The following MAML3 variants were observed in gnomAD, a reference collection of about 807,000 sequenced individuals.
MAML3 encodes the protein mastermind-like protein 3.
A neutral mutation model predicts 101.9 loss-of-function variants in MAML3; 27 were observed. That is an observed-to-expected ratio of 0.27 (90% CI 0.20 to 0.37). The LOEUF (loss-of-function observed/expected upper bound fraction) is 0.37. MAML3 is among the 10% of genes least tolerant of loss of function. The pLI is 1.00. For missense variants in MAML3, 1,316 were observed against 1,444.9 expected (o/e 0.91, Z 1.45); for synonymous variants, 501 against 555.9 (o/e 0.90, Z 1.39).
intron 1 of MAML3, among the ~76,000 whole-genome samples, chr4:140,104,660 T>A (rs1045090518): frequency 6.7e-6 from 1 of 150,178 alleles, no homozygotes; most frequent in Admixed American, 6.7e-5. Context: ...GCCCAGTTAA[T>A]TTTTGTGTTT....
intron 2 of MAML3, among the ~76,000 whole-genome samples, chr4:139,772,704 G>T (rs1339128016): frequency 6.6e-6 from 1 of 152,054 alleles, no homozygotes; most frequent in Non-Finnish European, 1.5e-5. Context: ...TCAAGAGGAT[G>T]AACTTCCCAG....
rs11379402 is a variant in MAML3, at chr4:139,909,836, C to CAAAAAAA, written c.469-18876_469-18870dup. ...TGGGCCACAGAGTGCGATGCCGTCTCAAAAAAAAAAAAAAAAAAAAAAGAT... is the reference window on the plus strand; with the variant it reads ...TGGGCCACAGAGTGCGATGCCGTCTCAAAAAAAAAAAAAAAAAAAAAAAAAAAAAGAT... On this transcript the variant is annotated intron_variant, in intron 1 of 4. Coordinates refer to ENST00000509479, the MANE Select transcript of MAML3 (RefSeq NM_018717.5). 2.7e-3 allele frequency among the ~76,000 whole-genome samples: 158 copies of CAAAAAAA among 58,494 alleles called. 1 individual carries two copies. The highest frequency in any genetic ancestry group is 3.1e-3 in the Non-Finnish European group (102 of 32,542). 38.4% of individuals were successfully genotyped at this position (58,494 alleles called of 152,430 possible). A position where few individuals can be genotyped will look rare whatever the true frequency, so the allele number is the denominator to read the frequency against.
chr4:140,114,725 A>T (rs1259554755), intron 1 of MAML3, among the ~76,000 whole-genome samples: 1 of 152,218 alleles, frequency 6.6e-6, no homozygotes, highest in African/African-American at 2.4e-5. Context: ...ATCTTGTTTC[A>T]TCCATACCCC....
At chr4:140,034,567 T>C (rs951666516) in intron 1 of MAML3, among the ~76,000 whole-genome samples, 1 of 152,148 alleles carries the variant, frequency 6.6e-6, no homozygotes, top group Non-Finnish European at 1.5e-5. Context: ...CCTCACTGAA[T>C]GTCTATTTTG....
intron 1 of MAML3, among the ~76,000 whole-genome samples, chr4:139,912,581 TC>T (rs1307610689): frequency 6.6e-6 from 1 of 152,206 alleles, no homozygotes; most frequent in Non-Finnish European, 1.5e-5. Flanking sequence ...CAGATGAAAT[TC>T]ATTAAGATGA....
intron 2 of MAML3, among the ~76,000 whole-genome samples, chr4:139,872,233 C>G (rs1211602324): frequency 6.6e-6 from 1 of 152,154 alleles, no homozygotes; most frequent in Non-Finnish European, 1.5e-5. Flanking sequence ...TTTAATCCAG[C>G]TTTTAGTAGA....
intron 2 of MAML3, among the ~76,000 whole-genome samples, chr4:139,745,461 G>A (rs1009003019): frequency 6.6e-6 from 1 of 152,216 alleles, no homozygotes; most frequent in Non-Finnish European, 1.5e-5. Context: ...CAGGAGGTGA[G>A]GGGAAGCTGG....
At chr4:139,946,889 CCACACA>C (rs544250515) in intron 1 of MAML3, among the ~76,000 whole-genome samples, 8 of 126,914 alleles carry the variant, frequency 6.3e-5, no homozygotes, top group African/African-American at 2.0e-4. Flanking sequence ...GCAGAGTAAG[CCACACA>C]CACACACACA....
chr4:140,083,403 A>G (rs1393167672), intron 1 of MAML3, among the ~76,000 whole-genome samples: 1 of 152,192 alleles, frequency 6.6e-6, no homozygotes, highest in Non-Finnish European at 1.5e-5. Flanking sequence ...ATGCCATTCC[A>G]ATGCACAGTC....
chr4:139,941,912 T>A (rs1185816217), intron 1 of MAML3, among the ~76,000 whole-genome samples: 1 of 152,114 alleles, frequency 6.6e-6, no homozygotes. Context: ...GGTGGATGGA[T>A]CACCAGAGGT....
At chr4:139,749,894 C>CG (rs1553953895) in intron 2 of MAML3, among the ~76,000 whole-genome samples, 5 of 107,964 alleles carry the variant, frequency 4.6e-5, no homozygotes, top group Admixed American at 9.0e-5. Context: ...AACCCCCCCC[C>CG]ACCCTATTCT....
chr4:139,946,926 C>T (rs562303587), intron 1 of MAML3, among the ~76,000 whole-genome samples: 2 of 51,196 alleles, frequency 3.9e-5, no homozygotes. Context: ...CACACACACA[C>T]TCTCTCTCTC....
chr4:139,829,012 AGGAAGGAAGGAC>A (rs768451467), intron 2 of MAML3, among the ~76,000 whole-genome samples: 1,883 of 136,634 alleles, frequency 0.014, 42 homozygotes, highest in African/African-American at 0.051. Context: ...GAAGGAAGGA[AGGAAGGAAGGAC>A]GGACGGACGG....
intron 2 of MAML3, among the ~76,000 whole-genome samples, chr4:139,813,295 C>A (rs1349234704): frequency 6.6e-6 from 1 of 152,086 alleles, no homozygotes; most frequent in East Asian, 1.9e-4. Context: ...AAGAAACTTT[C>A]ACAGAACTGA....
chr4:139,912,839 C>T (rs1226312414), intron 1 of MAML3, among the ~76,000 whole-genome samples: 1 of 152,204 alleles, frequency 6.6e-6, no homozygotes, highest in Non-Finnish European at 1.5e-5. Flanking sequence ...ACCCTGCTGA[C>T]ACCTTGATTT....
intron 1 of MAML3, among the ~76,000 whole-genome samples, chr4:139,933,222 C>T (rs1477257778): frequency 6.6e-6 from 1 of 152,150 alleles, no homozygotes; most frequent in African/African-American, 2.4e-5. Context: ...ACATGTAAGA[C>T]AGATGATAGA....
intron 3 of MAML3, 154 bp downstream of exon 3, chr4:139,730,262 C>T: frequency 1.4e-6 from 1 of 696,390 alleles, no homozygotes; most frequent in African/African-American, 1.8e-5. Flanking sequence ...ATTGAAAGGT[C>T]TAAATTCTTC....
At position 139,861,477 on chromosome 4, in the gene MAML3, A is replaced by ATGTGTGTGTGTGTGTG. The variant is rs55851938; in HGVS notation, c.2079+27864_2079+27879dup. On this transcript the variant is annotated intron_variant, in intron 2 of 4. Transcript: ENST00000509479. The stretch of plus-strand genomic sequence containing the variant: ...AGATGTATGAATGTCTAACCAGCCG[A>ATGTGTGTGTGTGTGTG]TGTGTGTGTGTGTGTGTGTGTGTGT... 7.1e-3 allele frequency among the ~76,000 whole-genome samples: 1,034 copies of ATGTGTGTGTGTGTGTG among 146,470 alleles called. 17 individuals carry two copies. Among genetic ancestry groups the ATGTGTGTGTGTGTGTG allele is most frequent in the African/African-American group, 0.024 (956 of 39,204 alleles).
chr4:140,054,626 G>A (rs183996513), intron 1 of MAML3, among the ~76,000 whole-genome samples: 1 of 152,240 alleles, frequency 6.6e-6, no homozygotes, highest in African/African-American at 2.4e-5. Flanking sequence ...ATTTCCTAAC[G>A]TTCTCCTGCA....
Sources: gnomAD v4.1 joint callset for allele counts (sites outside exome capture counted in the v4.1 genomes callset) on GRCh38, gnomAD v4.1.1 for gene constraint, MANE v1.5 for transcripts, NCBI Gene and HGNC (gene_info 2026-07-23, HGNC 2026-07-21) for gene names.